Variants in HEATR4 observed in about 807,000 individuals in gnomAD.
HEATR4 encodes the protein HEAT repeat containing 4, also known as HEAT repeat-containing protein 4.
A neutral mutation model predicts 108.8 loss-of-function variants in HEATR4; 95 were observed. The observed-to-expected ratio is 0.87, with a 90% confidence interval of 0.74 to 1.04. The LOEUF is 1.04. Ranked by LOEUF, HEATR4 falls within the 50% of genes least tolerant of loss-of-function variation. The probability of loss-of-function intolerance (pLI) is 0.00; values close to 1 mark genes in which losing one functional copy is unlikely to be tolerated. For synonymous variants in HEATR4, 443 were observed against 459.4 expected (o/e 0.96, Z 0.46); for missense variants, 1,152 against 1,253.8 (o/e 0.92, Z 1.23).
the HEATR4 span, among the ~76,000 whole-genome samples, chr14:73,586,701 T>C: frequency 1.6e-5 from 2 of 126,738 alleles, no homozygotes; most frequent in African/African-American, 8.0e-5. Flanking sequence ...TGACTCTGTC[T>C]GAAAAAAAAA....
At chr14:73,570,006 C>G in the HEATR4 span, 5 of 1,394,834 alleles carry the variant, frequency 3.6e-6, no homozygotes, top group South Asian at 1.5e-5. Flanking sequence ...ATTGCCCAGG[C>G]AGGTTTCGAA....
chr14:73,563,215 T>G (rs534307141), upstream of HEATR4, among the ~76,000 whole-genome samples: 1 of 151,862 alleles, frequency 6.6e-6, no homozygotes, highest in Non-Finnish European at 1.5e-5. Context: ...CCGACTCTTA[T>G]AGAAAATAGA....
At chr14:73,595,716 T>C in the HEATR4 span, 105 of 1,483,708 alleles carry the variant, frequency 7.1e-5, no homozygotes, top group African/African-American at 1.2e-3. Flanking sequence ...AGTAACCCTA[T>C]GTGAATCAGA....
At chr14:73,593,862 G>C in the HEATR4 span, 2 of 1,613,866 alleles carry the variant, frequency 1.2e-6, no homozygotes, top group South Asian at 2.2e-5. Context: ...TATCCCTGGA[G>C]TACTTCGAAG....
At position 73,492,259 on chromosome 14, in the gene HEATR4, C is replaced by G. The variant is rs753520163; in HGVS notation, c.2844+807G>C. 1.2e-6 allele frequency: 2 copies of G among 1,614,032 alleles called. No individual in the cohort carries two copies. Among genetic ancestry groups the G allele is most frequent in the South Asian group, 1.1e-5 (1 of 91,086 alleles). ...AAGCTGAATGCCAGGATGGAGTCCA[C>G]TCTCTGCACCTCACCTTGTCCACGT... On this transcript the variant is annotated intron_variant, in intron 17 of 17. Coordinates refer to ENST00000553558, the MANE Select transcript of HEATR4 (RefSeq NM_001220484.1). The surrounding 1 kb of genome is among the most constrained non-coding windows in gnomAD (Gnocchi z 4.9).
chr14:73,500,154 T>C (rs936437036), intron 12 of HEATR4, among the ~76,000 whole-genome samples: 2 of 152,174 alleles, frequency 1.3e-5, no homozygotes, highest in African/African-American at 4.8e-5. Flanking sequence ...GGCGTGAACC[T>C]GGGAGGCGGA....
chr14:73,587,260 C>G, the HEATR4 span, among the ~76,000 whole-genome samples: 1 of 151,936 alleles, frequency 6.6e-6, no homozygotes, highest in Admixed American at 6.6e-5. Flanking sequence ...AGCCTACTGA[C>G]AGGAGTATTT....
At chr14:73,482,269 C>A (rs962928299) in intron 17 of HEATR4, among the ~76,000 whole-genome samples, 3 of 152,162 alleles carry the variant, frequency 2.0e-5, no homozygotes, top group African/African-American at 7.2e-5. Flanking sequence ...CACCTGTAAC[C>A]CCAGCACTTT....
chr14:73,569,025 G>T, the HEATR4 span: 1 of 614,334 alleles, frequency 1.6e-6, no homozygotes, highest in Non-Finnish European at 2.8e-6. Context: ...ACCAGCCCTG[G>T]TCCAGCCCAT....
rs1889453608 is a variant in HEATR4 at position 73,558,875 on chromosome 14, G to A, written c.-276C>T. ...AGTGTTTCAAAATTACTTTCCAAAT[G>A]GCCTCCTAAAAGGCAGTCCTCAGAG... On this transcript the variant is annotated 5_prime_UTR_variant, in exon 1 of 18. Transcript: ENST00000553558. The A allele has an allele frequency of 6.6e-6, 1 of 150,916 alleles. No homozygotes were observed. Among genetic ancestry groups the A allele is most frequent in the African/African-American group, 2.4e-5 (1 of 40,926 alleles). The allele number at this position is 150,916 out of a possible 1,614,324, so 9.3% of individuals were successfully genotyped here.
At chr14:73,502,427 A>G (rs898154515) in intron 11 of HEATR4, among the ~76,000 whole-genome samples, 2 of 152,066 alleles carry the variant, frequency 1.3e-5, no homozygotes, top group African/African-American at 2.4e-5. Context: ...TGGGCACTCA[A>G]TGCTTCTTTC....
chr14:73,488,754 G>A (rs543846167), intron 17 of HEATR4, among the ~76,000 whole-genome samples: 7 of 150,108 alleles, frequency 4.7e-5, no homozygotes, highest in African/African-American at 1.5e-4. Flanking sequence ...CGGGCACCGC[G>A]GCTCATGCCT....
At chr14:73,576,733 T>C in the HEATR4 span, among the ~76,000 whole-genome samples, 1 of 132,258 alleles carries the variant, frequency 7.6e-6, no homozygotes, top group Non-Finnish European at 1.5e-5. Flanking sequence ...GAGGCAGAGG[T>C]TGCAGTGAGC....
rs1408394942 is a variant in HEATR4, at chr14:73,553,017, C to T, written c.-152+5734G>A. On this transcript the variant is annotated intron_variant, in intron 1 of 17. Coordinates refer to ENST00000553558, the MANE Select transcript of HEATR4 (RefSeq NM_001220484.1). ...GACTCCCACTGTTCCTGGCTCACGG[C>T]CTGGCCACCTTGTCTCGCTCATCTG... is the stretch of plus-strand genomic sequence containing the variant. Among the ~76,000 whole-genome samples, 11 of 115,072 alleles carry T rather than the reference C, an allele frequency of 9.6e-5. 2 individuals are homozygous for T. The highest frequency in any genetic ancestry group is 2.8e-4 in the African/African-American group (10 of 35,604). 75.5% of individuals were successfully genotyped at this position (115,072 alleles called of 152,430 possible).
chr14:73,568,148 G>A, the HEATR4 span: 1 of 152,034 alleles, frequency 6.6e-6, no homozygotes, highest in African/African-American at 2.4e-5. Context: ...AACTGACAGG[G>A]AATTGTATGA....
At chr14:73,560,528 T>C (rs1286949902), upstream of HEATR4, among the ~76,000 whole-genome samples, 1 of 151,662 alleles carries the variant, frequency 6.6e-6, no homozygotes, top group Non-Finnish European at 1.5e-5. Flanking sequence ...CCAGGCGTGG[T>C]GGCAGGCGCC....
chr14:73,625,368 A>G, the HEATR4 span, among the ~76,000 whole-genome samples: 3 of 124,324 alleles, frequency 2.4e-5, no homozygotes, highest in Non-Finnish European at 5.2e-5. Flanking sequence ...TATTTTATTT[A>G]TTTTATTTTT....
chr14:73,502,470 A>C (rs1441777934), intron 11 of HEATR4, among the ~76,000 whole-genome samples: 1 of 151,872 alleles, frequency 6.6e-6, no homozygotes, highest in Non-Finnish European at 1.5e-5. Context: ...AGGGACTGTT[A>C]ATTTTTTACA....
At chr14:73,558,341 A>G (rs1397397616) in intron 1 of HEATR4, among the ~76,000 whole-genome samples, 1 of 136,334 alleles carries the variant, frequency 7.3e-6, no homozygotes, top group Non-Finnish European at 1.6e-5. Flanking sequence ...ACTCTGCTAT[A>G]AAGATGACCT....
Sources: allele counts gnomAD v4.1 joint callset (sites outside exome capture counted in the v4.1 genomes callset), GRCh38; gene constraint gnomAD v4.1.1; non-coding constraint Gnocchi (gnomAD v3.1); transcripts MANE v1.5; gene names NCBI Gene and HGNC (gene_info 2026-07-23, HGNC 2026-07-21).